The following ACADVL variants were observed in gnomAD, a reference collection of about 807,000 sequenced individuals.
ACADVL encodes the protein acyl-CoA dehydrogenase very long chain.
A neutral mutation model predicts 80.4 loss-of-function variants in ACADVL; 73 were observed. The observed-to-expected ratio is 0.91, with a 90% CI of 0.75 to 1.10. The LOEUF is 1.10. Ranked by LOEUF, ACADVL falls within the 50% of genes least tolerant of loss-of-function variation. The pLI is 0.00. For synonymous variants in ACADVL, 392 were observed against 326.5 expected, an observed-to-expected ratio of 1.20 and a Z score of -2.16; for missense variants, 878 against 858.9, an observed-to-expected ratio of 1.02 and a Z score of -0.28.
chr17:7,222,215 A>G lies in ACADVL; in HGVS notation c.791A>G (p.Lys264Arg). The G allele has an allele frequency of 6.2e-7, 1 of 1,614,124 alleles. No homozygotes were observed. Among genetic ancestry groups the G allele is most frequent in the African/African-American group, 1.3e-5 (1 of 75,024 alleles). ...GLADIFTVFA[K>R]TPVTDPATGA... is the part of the protein sequence containing the mutation. ...GCAGACATCTTCACGGTCTTTGCCAAGACACCAGTTACAGATCCAGCCACA... is the reference window on the plus strand; with the variant it reads ...GCAGACATCTTCACGGTCTTTGCCAGGACACCAGTTACAGATCCAGCCACA... Residue 264 changes from lysine (K) to arginine (R), a missense_variant, in exon 9 of 20, where the codon AAG becomes AGG. By Grantham distance (26) the Lys-to-Arg change is conservative. Transcript: ENST00000356839.
At chr17:7,217,614 G>T (rs2142945539), upstream of ACADVL, 7 of 1,440,768 alleles carry the variant, frequency 4.9e-6, no homozygotes, top group East Asian at 1.3e-4. Flanking sequence ...GAAGAGGGAA[G>T]GGGAGAGAGG....
chr17:7,222,165 A>T lies in ACADVL; in HGVS notation c.753-12A>T. Reference sequence around the variant, plus strand: ...CCGTCCTCCACGCCCTGAATATCCCATTCTTCCACAGTAATGGGGGCCTAG... The same window carrying T: ...CCGTCCTCCACGCCCTGAATATCCCTTTCTTCCACAGTAATGGGGGCCTAG... On this transcript the variant is annotated splice_polypyrimidine_tract_variant and intron_variant, in intron 8 of 19. Transcript: ENST00000356839. 6.2e-7 allele frequency: 1 copy of T among 1,613,992 alleles called. No individual in the cohort carries two copies. The highest frequency in any genetic ancestry group is 1.1e-5 in the South Asian group (1 of 91,070).
Position 7,224,337 on chromosome 17 carries a change from A to G in ACADVL, c.1549A>G (p.Ser517Gly). Reference sequence around the variant, plus strand: ...TCCTCTCAGGCGGGCAGGGCTGGGCAGCGGCCTGAGTCTCAGCGGACTTGT... The same window carrying G: ...TCCTCTCAGGCGGGCAGGGCTGGGCGGCGGCCTGAGTCTCAGCGGACTTGT... ...KQLRRRAGLG[S>G]GLSLSGLVHP... Residue 517 changes from serine to glycine, a missense_variant, in exon 16 of 20, where the codon AGC becomes GGC. Transcript: ENST00000356839. 18 of 1,613,890 alleles carry G rather than the reference A, an allele frequency of 1.1e-5. No homozygotes were observed. The highest frequency in any genetic ancestry group is 1.5e-5 in the Non-Finnish European group (18 of 1,179,978).
At position 7,224,806 on chromosome 17, in the gene ACADVL, C is replaced by A; in HGVS notation, c.1752-3C>A. 6.2e-7 allele frequency: 1 copy of A among 1,614,044 alleles called. No individual in the cohort carries two copies. Among genetic ancestry groups the A allele is most frequent in the Non-Finnish European group, 8.5e-7 (1 of 1,180,020 alleles). ...TTTATTTTCATCTCCTGCTTCCTGC[C>A]AGGGCCTCAAGATCCCTGAGTGAGG... On this transcript the variant is annotated splice_region_variant and splice_polypyrimidine_tract_variant and intron_variant, in intron 18 of 19. Coordinates refer to ENST00000356839, the MANE Select transcript of ACADVL (RefSeq NM_000018.4).
Position 7,220,676 on chromosome 17 carries a change from G to A in ACADVL, c.277G>A (p.Val93Met), listed in dbSNP as rs768632138. 9.3e-6 allele frequency: 15 copies of A among 1,614,064 alleles called. No individual in the cohort carries two copies. In the South Asian group the frequency reaches 1.2e-4, roughly 13 times the overall value. Residue 93 changes from valine to methionine, a missense_variant and splice_region_variant, in exon 4 of 20, where the codon GTG (valine) becomes ATG (methionine). Physicochemically the swap from Val to Met is conservative, Grantham distance 21. Transcript: ENST00000356839. ...TTDQVFPYPS[V>M]LNEEQTQFLK... ...AGATCAGGTGTTCCCATACCCGTCC[G>A]GTAAGGGAAGGGATAATCAGAGCTG...
rs1281200134 is a variant in ACADVL, at chr17:7,220,419, A to G, written c.139-45A>G. 19 of 1,612,184 alleles carry G rather than the reference A, an allele frequency of 1.2e-5. No homozygotes were observed. In the East Asian group the frequency reaches 4.0e-4, roughly 34 times the overall value. On this transcript the variant is annotated intron_variant, in intron 2 of 19. Coordinates refer to ENST00000356839, the MANE Select transcript of ACADVL (RefSeq NM_000018.4). Reference sequence around the variant, plus strand: ...CTCTCGCCTGTTCTCCCCTTGACACAGCGGAAGTCCCTTCCCTGAACTTGC... The same window carrying G: ...CTCTCGCCTGTTCTCCCCTTGACACGGCGGAAGTCCCTTCCCTGAACTTGC...
rs372900326 is a variant in ACADVL at position 7,224,254 on chromosome 17, G to A, written c.1532+11G>A. On this transcript the variant is annotated intron_variant, in intron 15 of 19. Transcript: ENST00000356839. ...CAAACAGCTGAGGCGGTAGGCTTAG[G>A]GCCAGAGCCAGGGGAGGGCAGGGTG... 1.7e-5 allele frequency: 28 copies of A among 1,613,708 alleles called. No homozygotes were observed. The highest frequency in any genetic ancestry group is 1.3e-4 in the African/African-American group (10 of 75,028).
At position 7,220,498 on chromosome 17, in the gene ACADVL, A is replaced by C; in HGVS notation, c.173A>C (p.Asp58Ala). The C allele has an allele frequency of 6.2e-7, 1 of 1,614,078 alleles. No homozygotes were observed. Among genetic ancestry groups the C allele is most frequent in the Non-Finnish European group, 8.5e-7 (1 of 1,179,996 alleles). ...ALDKSDSHPS[D>A]ALTRKKPAKA... The stretch of plus-strand genomic sequence containing the variant: ...GACAAGTCAGATTCCCACCCCTCTG[A>C]CGCTCTGACCAGGAAAAAACCGGCC... Residue 58 changes from aspartate (D) to alanine (A), a missense_variant, in exon 3 of 20, where the codon GAC (aspartate) becomes GCC (alanine). Asp to Ala is a moderately radical substitution (Grantham distance 126, BLOSUM62 -2). Transcript: ENST00000356839.
At position 7,220,509 on chromosome 17, in the gene ACADVL, A is replaced by G; in HGVS notation, c.184A>G (p.Arg62Gly). ...SDSHPSDALT[R>G]KKPAKAESKS... is the part of the protein sequence containing the mutation. ...TTCCCACCCCTCTGACGCTCTGACC[A>G]GGAAAAAACCGGCCAAGGCGGTAGG... Residue 62 changes from arginine (R) to glycine (G), a missense_variant, in exon 3 of 20, where the codon AGG becomes GGG. Coordinates refer to ENST00000356839, the MANE Select transcript of ACADVL (RefSeq NM_000018.4). 1 of 1,614,194 alleles carries G rather than the reference A, an allele frequency of 6.2e-7. No homozygotes were observed. Among genetic ancestry groups the G allele is most frequent in the Non-Finnish European group, 8.5e-7 (1 of 1,180,024 alleles).
In ACADVL at chr17:7,223,862, T is replaced by C; in HGVS notation, c.1319T>C (p.Met440Thr). The C allele has an allele frequency of 1.2e-6, 2 of 1,614,000 alleles. No individual in the cohort carries two copies. Among genetic ancestry groups the C allele is most frequent in the Non-Finnish European group, 1.7e-6 (2 of 1,180,014 alleles). ...GAATGCATCCAAATCATGGGGGGTA[T>C]GGGCTTCATGAAGGTACAGGACGGT... The part of the protein sequence containing the change: ...TDECIQIMGG[M>T]GFMKEPGVER... The change falls in exon 13 of 20, where the codon ATG (methionine) becomes ACG (threonine). Residue 440 changes from methionine (M) to threonine (T), a missense_variant. Physicochemically the swap from Met to Thr is moderately conservative, Grantham distance 81. Coordinates refer to ENST00000356839, the MANE Select transcript of ACADVL (RefSeq NM_000018.4).
chr17:7,224,579 C>A lies in ACADVL; in HGVS notation c.1678+27C>A, dbSNP rs759729168. The A allele has an allele frequency of 5.2e-5, 83 of 1,606,528 alleles. 2 individuals are homozygous for A. In the South Asian group the frequency reaches 9.1e-4, roughly 18 times the overall value. ...TAAGTGAGCTCTACACCATTCCGCC[C>A]CTCCCTTTCCTCTCCTTGAGACTAA... On this transcript the variant is annotated intron_variant, in intron 17 of 19. Coordinates refer to ENST00000356839, the MANE Select transcript of ACADVL (RefSeq NM_000018.4).
In ACADVL at chr17:7,221,433, CAGGAACTGCCCTAGGT is replaced by C. The variant is rs374828700; in HGVS notation, c.478-104_478-89del. 0.61 allele frequency: 915,992 copies of C among 1,492,848 alleles called. 269,096 individuals are homozygous for C. Among genetic ancestry groups the C allele is most frequent in the Middle Eastern group, 0.72 (3,391 of 4,740 alleles). The allele number at this position is 1,492,848 out of a possible 1,614,324, so 92.5% of individuals were successfully genotyped here. On this transcript the variant is annotated intron_variant, in intron 6 of 19. Coordinates refer to ENST00000356839, the MANE Select transcript of ACADVL (RefSeq NM_000018.4). ...GCCCAGGTCAGGCACTGCCCTAGGT[CAGGAACTGCCCTAGGT>C]CAGGAACTGCCCTGTTGCCCACACT...
chr17:7,222,430 G>A (rs2071275882), intron 9 of ACADVL, 128 bp downstream of exon 9: 3 of 1,399,890 alleles, frequency 2.1e-6, no homozygotes, highest in African/African-American at 2.9e-5. Context: ...TGTGGCCTTT[G>A]GGACTAATAT....
At chr17:7,217,164 G>A (rs1266840338), upstream of ACADVL, 13 of 1,285,290 alleles carry the variant, frequency 1.0e-5, no homozygotes, top group African/African-American at 3.1e-5. Flanking sequence ...GGGCCTGGCC[G>A]CGGCGGCGGG....
chr17:7,222,336 G>A lies in ACADVL; in HGVS notation c.878+34G>A, dbSNP rs766485203. ...ATTTGGGTTGGGGGAGCTTAGGACTGAGGGGCAGGACTGGGCTCCTGGGCA... is the reference window on the plus strand; with the variant it reads ...ATTTGGGTTGGGGGAGCTTAGGACTAAGGGGCAGGACTGGGCTCCTGGGCA... On this transcript the variant is annotated intron_variant, in intron 9 of 19. Transcript: ENST00000356839. 10 of 1,609,406 alleles carry A rather than the reference G, an allele frequency of 6.2e-6. No homozygotes were observed. In the East Asian group the frequency reaches 2.0e-4, roughly 32 times the overall value.
chr17:7,220,727 C>T lies in ACADVL; in HGVS notation c.278-39C>T, dbSNP rs202244937. 3.3e-5 allele frequency: 54 copies of T among 1,614,100 alleles called. No individual in the cohort carries two copies. The East Asian group carries it at 1.2e-3, about 35-fold the overall frequency. ...GGTGGGGCCAGGGTGGTTTCCCCTG[C>T]CAGCCTGGCCTGACCAGCCTGTCCC... On this transcript the variant is annotated intron_variant, in intron 4 of 19. Transcript: ENST00000356839.
chr17:7,219,175 G>A, upstream of ACADVL: 1 of 398,868 alleles, frequency 2.5e-6, no homozygotes, highest in African/African-American at 2.1e-5. Flanking sequence ...GAGAATTGCA[G>A]AAAAAGGGGT....
chr17:7,223,658 G>A lies in ACADVL; in HGVS notation c.1197G>A (p.Met399Ile), dbSNP rs767552054. ...LQYVTESMAY[M>I]VSANMDQGAT... ...TGCAACCTCAGTCCATGGCTTACATGGTGAGTGCTAACATGGACCAGGGAG... is the reference window on the plus strand; with the variant it reads ...TGCAACCTCAGTCCATGGCTTACATAGTGAGTGCTAACATGGACCAGGGAG... Residue 399 changes from methionine (M) to isoleucine (I), a missense_variant, in exon 12 of 20, where the codon ATG becomes ATA. Met to Ile is a conservative substitution (Grantham distance 10). Coordinates refer to ENST00000356839, the MANE Select transcript of ACADVL (RefSeq NM_000018.4). 3 of 1,613,942 alleles carry A rather than the reference G, an allele frequency of 1.9e-6. No homozygotes were observed. Among genetic ancestry groups the A allele is most frequent in the African/African-American group, 1.3e-5 (1 of 74,858 alleles).
chr17:7,221,837 A>G, intron 7 of ACADVL, 115 bp from the exon 8 acceptor site: 1 of 1,593,582 alleles, frequency 6.3e-7, no homozygotes, highest in South Asian at 1.1e-5. Flanking sequence ...CATGCAAAAG[A>G]ACTGGATACT....
Sources: gnomAD v4.1 joint callset for allele counts on GRCh38, gnomAD v4.1.1 for gene constraint, MANE v1.5 for transcripts, NCBI Gene and HGNC (gene_info 2026-07-23, HGNC 2026-07-21) for gene names.